CREB3L3: variants seen among roughly 807,000 people sequenced by gnomAD.
CREB3L3 encodes the protein cAMP responsive element binding protein 3 like 3, also known as cyclic AMP-responsive element-binding protein 3-like protein 3.
A neutral mutation model predicts 44.6 loss-of-function variants in CREB3L3; 40 were observed. The ratio of observed to expected loss-of-function variants is 0.90; its 90% CI spans 0.70 to 1.17. The LOEUF is 1.17. Among genes scored for constraint, CREB3L3 ranks in the 50% most tolerant of loss-of-function variants. The pLI is 0.00. For missense variants in CREB3L3, 578 were observed against 595.8 expected (o/e 0.97, Z 0.31); for synonymous variants, 273 against 256.3 (o/e 1.06, Z -0.62).
intron 5 of CREB3L3, among the ~76,000 whole-genome samples, chr19:4,165,829 A>G (rs1018945016): frequency 6.6e-6 from 1 of 152,080 alleles, no homozygotes; most frequent in African/African-American, 2.4e-5. Flanking sequence ...GTGAGCCGAG[A>G]TGGTACCACT....
rs764081858 is a variant in CREB3L3 at position 4,171,884 on chromosome 19, A to C, written c.1301A>C (p.Gln434Pro). ...AGGAATGCAACAGAGGGGCTGGGCC[A>C]GGTCGCCCTGCTGGACTGGGTGGCG... ...VLRNATEGLGQVALLDWVAPG... is the reference protein window; with the variant it reads ...VLRNATEGLGPVALLDWVAPG... Residue 434 changes from glutamine (Q) to proline (P), a missense_variant, in exon 10 of 10, where the codon CAG becomes CCG. Transcript: ENST00000078445. The surrounding 1 kb of genome is among the most constrained non-coding windows in gnomAD (Gnocchi z 4.9). 6.2e-7 allele frequency: 1 copy of C among 1,613,108 alleles called. No homozygotes were observed. Among genetic ancestry groups the C allele is most frequent in the South Asian group, 1.1e-5 (1 of 91,070 alleles).
chr19:4,154,988 C>G lies in CREB3L3; in HGVS notation c.117C>G (p.His39Gln). Residue 39 changes from histidine (H) to glutamine (Q), a missense_variant, in exon 2 of 10, where the codon CAC becomes CAG. His to Gln is a conservative substitution (Grantham distance 24). Coordinates refer to ENST00000078445, the MANE Select transcript of CREB3L3 (RefSeq NM_032607.3). ...LFDRQDGILR[H>Q]VELGEGWGHV... ...ACCGGCAGGACGGCATCCTGAGACA[C>G]GTGGAGCTGGGCGAGGGCTGGGGTC... 1 of 1,612,234 alleles carries G rather than the reference C, an allele frequency of 6.2e-7. No homozygotes were observed. Among genetic ancestry groups the G allele is most frequent in the Non-Finnish European group, 8.5e-7 (1 of 1,180,018 alleles).
chr19:4,156,215 C>A (rs1022897591), intron 2 of CREB3L3, among the ~76,000 whole-genome samples: 1 of 135,056 alleles, frequency 7.4e-6, no homozygotes, highest in Non-Finnish European at 1.6e-5. Context: ...GACAGAGTTT[C>A]GCTGTTGTTT....
At position 4,157,010 on chromosome 19, in the gene CREB3L3, C is replaced by T. The variant is rs759119573; in HGVS notation, c.172C>T (p.Pro58Ser). Residue 58 changes from proline (P) to serine (S), a missense_variant, in exon 3 of 10, where the codon CCC (proline) becomes TCC (serine). Pro to Ser is a moderately conservative substitution (Grantham distance 74). Transcript: ENST00000078445. ...HVKDQQVLPNPDSDDFLSSIL... is the reference protein window; with the variant it reads ...HVKDQQVLPNSDSDDFLSSIL... Reference sequence around the variant, plus strand: ...TCCACCCCAGCAGGTCCTGCCAAACCCCGACTCTGACGACTTCCTCAGCTC... The same window carrying T: ...TCCACCCCAGCAGGTCCTGCCAAACTCCGACTCTGACGACTTCCTCAGCTC... 4.3e-6 allele frequency: 7 copies of T among 1,613,966 alleles called. No individual in the cohort carries two copies. Among genetic ancestry groups the T allele is most frequent in the Non-Finnish European group, 5.9e-6 (7 of 1,180,032 alleles).
chr19:4,170,479 G>GC (rs982137009), intron 7 of CREB3L3, among the ~76,000 whole-genome samples: 108 of 152,164 alleles, frequency 7.1e-4, no homozygotes, highest in African/African-American at 2.6e-3. Context: ...AGGCGTGGTG[G>GC]CGGGCACCTG....
intron 2 of CREB3L3, 54 bp from the exon 3 acceptor site, chr19:4,156,941 T>C (rs920354731): frequency 1.9e-6 from 3 of 1,589,278 alleles, no homozygotes; most frequent in Non-Finnish European, 2.6e-6. Flanking sequence ...CACACACTAA[T>C]CTAAAAAGAG....
At position 4,161,085 on chromosome 19, in the gene CREB3L3, G is replaced by C. The variant is rs142704624; in HGVS notation, c.576+1303G>C. On this transcript the variant is annotated intron_variant, in intron 4 of 9. Coordinates refer to ENST00000078445, the MANE Select transcript of CREB3L3 (RefSeq NM_032607.3). ...CGCCACCACACCTGGCTGATTTTTTGTATCTTTTTAGTAGAGATGGGGTTT... is the reference window on the plus strand; with the variant it reads ...CGCCACCACACCTGGCTGATTTTTTCTATCTTTTTAGTAGAGATGGGGTTT... 6.8e-3 allele frequency among the ~76,000 whole-genome samples: 1,028 copies of C among 152,018 alleles called. 5 individuals carry two copies. Among genetic ancestry groups the C allele is most frequent in the Non-Finnish European group, 8.7e-3 (592 of 67,962 alleles).
In CREB3L3 at chr19:4,159,840, G is replaced by C. The variant is rs186943134; in HGVS notation, c.576+58G>C. On this transcript the variant is annotated intron_variant, in intron 4 of 9. Transcript: ENST00000078445. ...GGAGCTGGGAGGGCTGCTCGGGTTC[G>C]AGGAGCCTAAATATCCCCGTTTCAG... The C allele has an allele frequency of 1.8e-5, 15 of 816,436 alleles. No individual in the cohort carries two copies. The East Asian group carries it at 3.6e-4, about 20-fold the overall frequency. 50.6% of individuals were successfully genotyped at this position (816,436 alleles called of 1,614,324 possible).
intron 6 of CREB3L3, among the ~76,000 whole-genome samples, chr19:4,168,724 A>T (rs1966978533): frequency 6.6e-6 from 1 of 152,118 alleles, no homozygotes; most frequent in Admixed American, 6.6e-5. Flanking sequence ...CCTCTGCCTG[A>T]AGATAGACAC....
intron 1 of CREB3L3, 84 bp downstream of exon 1, chr19:4,153,858 CT>C: frequency 6.9e-7 from 1 of 1,441,804 alleles, no homozygotes; most frequent in Admixed American, 1.8e-5. Context: ...AGGACCCCAT[CT>C]CCACCCCTAT....
At chr19:4,170,045 T>C (rs963506644) in intron 6 of CREB3L3, 95 bp from the exon 7 acceptor site, 5 of 1,228,994 alleles carry the variant, frequency 4.1e-6, no homozygotes, top group Non-Finnish European at 6.0e-6. Context: ...CCTTGGGTTC[T>C]CTTGGCTTGT....
At chr19:4,165,088 C>T (rs1216063030) in intron 5 of CREB3L3, among the ~76,000 whole-genome samples, 1 of 152,116 alleles carries the variant, frequency 6.6e-6, no homozygotes, top group East Asian at 1.9e-4. Context: ...GTCAGAAGCC[C>T]CATTGTAAAT....
chr19:4,163,343 AGAAAGAAAGAAGGAAG>A (rs2041684682), intron 4 of CREB3L3, among the ~76,000 whole-genome samples: 1 of 148,982 alleles, frequency 6.7e-6, no homozygotes, highest in Non-Finnish European at 1.5e-5. Context: ...AAAGAAAGAA[AGAAAGAAAGAAGGAAG>A]GAAGGAAGGA....
chr19:4,162,805 C>T (rs1353711252), intron 4 of CREB3L3, among the ~76,000 whole-genome samples: 9 of 151,840 alleles, frequency 5.9e-5, no homozygotes, highest in Non-Finnish European at 1.5e-5. Context: ...AGAGTGAAAC[C>T]CCATCTCTAC....
In CREB3L3 at chr19:4,171,464, T is replaced by C; in HGVS notation, c.1057T>C (p.Phe353Leu). Residue 353 changes from phenylalanine (F) to leucine (L), a missense_variant, in exon 9 of 10, where the codon TTT (phenylalanine) becomes CTT (leucine). Transcript: ENST00000078445. The surrounding 1 kb of genome is among the most constrained non-coding windows in gnomAD (Gnocchi z 4.9). ...GPNKTESPGD[F>L]APVRVFSRTL... ...CAACAAAACCGAGAGCCCTGGGGAC[T>C]TTGCGCCTGTACGAGGTAGGGGATC... 2 of 1,614,044 alleles carry C rather than the reference T, an allele frequency of 1.2e-6. No homozygotes were observed. The highest frequency in any genetic ancestry group is 1.7e-6 in the Non-Finnish European group (2 of 1,179,982).
At position 4,171,964 on chromosome 19, in the gene CREB3L3, C is replaced by A; in HGVS notation, c.1381C>A (p.Leu461Met). 2 of 1,592,630 alleles carry A rather than the reference C, an allele frequency of 1.3e-6. No individual in the cohort carries two copies. Residue 461 changes from leucine to methionine, a missense_variant, in exon 10 of 10, where the codon CTG becomes ATG. By Grantham distance (15) the Leu-to-Met change is conservative (BLOSUM62 2). Transcript: ENST00000078445. The surrounding 1 kb of genome is among the most constrained non-coding windows in gnomAD (Gnocchi z 4.9). The part of the protein sequence containing the change: ...RAGLEAAGDE[L>M] ...AGGGCTGGAGGCGGCGGGAGACGAG[C>A]TGTGAGCCCCGCCAGGACTATGCTC...
chr19:4,161,100 A>C lies in CREB3L3; in HGVS notation c.576+1318A>C, dbSNP rs978545097. ...CTGATTTTTTGTATCTTTTTAGTAG[A>C]GATGGGGTTTAACTGTATTAGCCAG... On this transcript the variant is annotated intron_variant, in intron 4 of 9. Transcript: ENST00000078445. 2.6e-5 allele frequency among the ~76,000 whole-genome samples: 4 copies of C among 151,984 alleles called. No homozygotes were observed. The East Asian group carries it at 7.7e-4, about 29-fold the overall frequency.
intron 2 of CREB3L3, among the ~76,000 whole-genome samples, chr19:4,156,546 C>T (rs1210929752): frequency 6.8e-6 from 1 of 146,998 alleles, no homozygotes; most frequent in East Asian, 2.0e-4. Flanking sequence ...GCTCTGTTGC[C>T]TAGGGTGGAG....
In CREB3L3 at chr19:4,153,689, G is replaced by A. The variant is rs1024127767; in HGVS notation, c.-59G>A. ...CCCCAGGTAACGCTGGCGGTGGGTG[G>A]GCCTCCAGCTTGGAGCAGAGACCCC... On this transcript the variant is annotated 5_prime_UTR_variant, in exon 1 of 10. Transcript: ENST00000078445. 7.5e-6 allele frequency: 12 copies of A among 1,606,680 alleles called. No individual in the cohort carries two copies. Among genetic ancestry groups the A allele is most frequent in the Non-Finnish European group, 1.0e-5 (12 of 1,174,542 alleles).
Sources: allele counts gnomAD v4.1 joint callset (sites outside exome capture counted in the v4.1 genomes callset), GRCh38; gene constraint gnomAD v4.1.1; non-coding constraint Gnocchi (gnomAD v3.1); transcripts MANE v1.5; gene names NCBI Gene and HGNC (gene_info 2026-07-23, HGNC 2026-07-21).